Variants in TAFA4 observed in about 807,000 individuals in gnomAD.
TAFA4 encodes chemokine-like protein TAFA-4.
In TAFA4, 20 loss-of-function variants were observed where a neutral mutation model predicts 21.1. That is an observed-to-expected ratio of 0.95 (90% CI 0.67 to 1.38). The LOEUF (loss-of-function observed/expected upper bound fraction) is 1.38. Among genes scored for constraint, TAFA4 ranks in the 40% most tolerant of loss-of-function variants. The pLI is 0.00. For missense variants in TAFA4, 211 were observed against 180.9 expected, an observed-to-expected ratio of 1.17 and a Z score of -0.95; for synonymous variants, 71 against 67.4, an observed-to-expected ratio of 1.05 and a Z score of -0.26.
chr3:68,877,567 C>A (rs2089565182), intron 3 of TAFA4, among the ~76,000 whole-genome samples: 1 of 152,062 alleles, frequency 6.6e-6, no homozygotes, highest in Non-Finnish European at 1.5e-5. Context: ...AGGTCAAGGC[C>A]AGCAAATAAA....
rs895264325 is a variant in TAFA4 at position 68,750,241 on chromosome 3, G to A, written c.286+2622C>T. On this transcript the variant is annotated intron_variant, in intron 4 of 5. Transcript: ENST00000295569. ...GAGCCCAGCAGTTCAAGGCAGCAGT[G>A]AGTTATGATCATGCCACTGCACTCC... Among the ~76,000 whole-genome samples, 7 of 152,254 alleles carry A rather than the reference G, an allele frequency of 4.6e-5. No individual in the cohort carries two copies. In the South Asian group the frequency reaches 6.2e-4, roughly 14 times the overall value.
intron 3 of TAFA4, among the ~76,000 whole-genome samples, chr3:68,857,975 A>C (rs1464000540): frequency 6.6e-6 from 1 of 152,128 alleles, no homozygotes; most frequent in Non-Finnish European, 1.5e-5. Context: ...CAGTAATTTA[A>C]ATCTGATTTC....
intron 1 of TAFA4, among the ~76,000 whole-genome samples, chr3:68,900,443 C>T (rs980926694): frequency 5.3e-5 from 8 of 152,010 alleles, no homozygotes; most frequent in African/African-American, 1.9e-4. Context: ...CATGGCAGTC[C>T]TTCTGTTCAG....
chr3:68,871,638 G>T (rs1231289495), intron 3 of TAFA4, among the ~76,000 whole-genome samples: 1 of 152,006 alleles, frequency 6.6e-6, no homozygotes, highest in Non-Finnish European at 1.5e-5. Context: ...AAAAATATTT[G>T]CAAACTATCC....
At chr3:68,815,866 A>G (rs1343535676) in intron 3 of TAFA4, among the ~76,000 whole-genome samples, 1 of 152,190 alleles carries the variant, frequency 6.6e-6, no homozygotes, top group Non-Finnish European at 1.5e-5. Flanking sequence ...ACATGCACAC[A>G]TATGTTTATT....
chr3:68,761,740 A>G (rs1702758463), intron 3 of TAFA4, among the ~76,000 whole-genome samples: 1 of 152,226 alleles, frequency 6.6e-6, no homozygotes, highest in South Asian at 2.1e-4. Context: ...AAGAGGGGCA[A>G]GGATGGAAGA....
chr3:68,809,966 T>C (rs542536209), intron 3 of TAFA4, among the ~76,000 whole-genome samples: 8 of 152,208 alleles, frequency 5.3e-5, no homozygotes, highest in Non-Finnish European at 1.0e-4. Context: ...ATTACTTGCT[T>C]GTAGCAGATT....
chr3:68,923,954 AG>A (rs2090083143), intron 1 of TAFA4, among the ~76,000 whole-genome samples: 1 of 152,226 alleles, frequency 6.6e-6, no homozygotes, highest in Admixed American at 6.5e-5. Flanking sequence ...AATGCAAAGA[AG>A]GGTGATGATT....
intron 3 of TAFA4, among the ~76,000 whole-genome samples, chr3:68,805,811 G>A (rs573087988): frequency 6.6e-6 from 1 of 151,950 alleles, no homozygotes; most frequent in Non-Finnish European, 1.5e-5. Context: ...GTTGTGGGGT[G>A]GGGGGAGGAG....
intron 3 of TAFA4, among the ~76,000 whole-genome samples, chr3:68,787,886 GT>G (rs1295891195): frequency 7.9e-5 from 12 of 152,158 alleles, no homozygotes; most frequent in Admixed American, 7.9e-4. Flanking sequence ...CAACCCACAG[GT>G]GTTTCATTTG....
At chr3:68,824,447 C>G (rs528726726) in intron 3 of TAFA4, among the ~76,000 whole-genome samples, 1 of 144,110 alleles carries the variant, frequency 6.9e-6, no homozygotes, top group South Asian at 2.6e-4. Context: ...TTTCCATCAT[C>G]ATATCTCCTC....
intron 3 of TAFA4, among the ~76,000 whole-genome samples, chr3:68,815,997 G>A (rs1270671600): frequency 5.3e-5 from 8 of 152,192 alleles, no homozygotes; most frequent in Non-Finnish European, 1.0e-4. Context: ...AAAAAAGGAT[G>A]CGTTCATGTC....
chr3:68,778,678 C>T (rs996790182), intron 3 of TAFA4, among the ~76,000 whole-genome samples: 11 of 152,336 alleles, frequency 7.2e-5, no homozygotes, highest in South Asian at 4.1e-4. Context: ...CCAAGTAAGA[C>T]GGGACTTGCT....
intron 3 of TAFA4, among the ~76,000 whole-genome samples, chr3:68,839,892 A>C (rs1704619368): frequency 1.3e-5 from 2 of 152,178 alleles, no homozygotes; most frequent in Non-Finnish European, 2.9e-5. Flanking sequence ...TAGGAGGAAA[A>C]TGGGAGAGAC....
chr3:68,736,580 T>A (rs371715108), intron 5 of TAFA4, among the ~76,000 whole-genome samples: 1 of 152,186 alleles, frequency 6.6e-6, no homozygotes, highest in Non-Finnish European at 1.5e-5. Context: ...GTGCATGAAC[T>A]ATTTAAAGAA....
chr3:68,806,555 A>G (rs1703703610), intron 3 of TAFA4, among the ~76,000 whole-genome samples: 1 of 152,170 alleles, frequency 6.6e-6, no homozygotes, highest in Non-Finnish European at 1.5e-5. Flanking sequence ...CACAAATATC[A>G]CCAACATTCA....
chr3:68,807,383 A>G (rs923079060), intron 3 of TAFA4, among the ~76,000 whole-genome samples: 1 of 152,238 alleles, frequency 6.6e-6, no homozygotes, highest in South Asian at 2.1e-4. Flanking sequence ...CACGCAGCGG[A>G]AGCAATGATG....
intron 3 of TAFA4, among the ~76,000 whole-genome samples, chr3:68,766,395 A>G (rs1702855557): frequency 6.6e-6 from 1 of 152,186 alleles, no homozygotes; most frequent in Non-Finnish European, 1.5e-5. Flanking sequence ...AAATCCAGGT[A>G]ATAAGGATCC....
intron 3 of TAFA4, among the ~76,000 whole-genome samples, chr3:68,806,567 T>C (rs1703703876): frequency 6.6e-6 from 1 of 152,174 alleles, no homozygotes; most frequent in Non-Finnish European, 1.5e-5. Flanking sequence ...CAACATTCAT[T>C]CAATAGTTGT....
Sources: gnomAD v4.1 joint callset for allele counts (sites outside exome capture counted in the v4.1 genomes callset) on GRCh38, gnomAD v4.1.1 for gene constraint, MANE v1.5 for transcripts, NCBI Gene and HGNC (gene_info 2026-07-23, HGNC 2026-07-21) for gene names.